Variants in TMEM182 observed in about 807,000 individuals in gnomAD.
TMEM182 encodes transmembrane protein 182.
TMEM182 carries 20 observed loss-of-function variants against 26.8 expected under a neutral mutation model. The ratio of observed to expected loss-of-function variants is 0.75; its 90% CI spans 0.53 to 1.09. The LOEUF is 1.09. Ranked by LOEUF, TMEM182 falls within the 50% of genes least tolerant of loss-of-function variation. The pLI is 0.00. For synonymous variants in TMEM182, 109 were observed against 102.2 expected (o/e 1.07, Z -0.40); for missense variants, 277 against 275.5 (o/e 1.01, Z -0.04).
chr2:102,767,632 ATTAT>A (rs1248491632), intron 3 of TMEM182, among the ~76,000 whole-genome samples: 1 of 152,122 alleles, frequency 6.6e-6, no homozygotes, highest in African/African-American at 2.4e-5. Flanking sequence ...CAGTTCCTTC[ATTAT>A]TTATTTGAGC....
At chr2:102,770,264 G>T (rs559673547) in intron 3 of TMEM182, among the ~76,000 whole-genome samples, 1 of 152,144 alleles carries the variant, frequency 6.6e-6, no homozygotes, top group Non-Finnish European at 1.5e-5. Flanking sequence ...TGAGAAGCAG[G>T]CAGGAAGGAA....
intron 3 of TMEM182, among the ~76,000 whole-genome samples, chr2:102,767,191 C>T (rs932146449): frequency 1.3e-5 from 2 of 152,108 alleles, no homozygotes; most frequent in African/African-American, 4.8e-5. Context: ...CCTTTATATT[C>T]AATTCTGACT....
chr2:102,807,582 A>G (rs922527831), intron 4 of TMEM182, among the ~76,000 whole-genome samples: 3 of 152,218 alleles, frequency 2.0e-5, no homozygotes, highest in Non-Finnish European at 4.4e-5. Flanking sequence ...TATTTATGAG[A>G]CTACTTTGAA....
intron 1 of TMEM182, among the ~76,000 whole-genome samples, chr2:102,751,801 G>A (rs1475782661): frequency 6.6e-6 from 1 of 152,096 alleles, no homozygotes; most frequent in African/African-American, 2.4e-5. Context: ...CAACTATCTA[G>A]GGCTAGAGGT....
chr2:102,813,963 A>G (rs1388350217), intron 4 of TMEM182, among the ~76,000 whole-genome samples: 2 of 143,110 alleles, frequency 1.4e-5, no homozygotes, highest in Non-Finnish European at 3.1e-5. Context: ...TTTTTCTTTC[A>G]TTTAATATGG....
chr2:102,819,606 G>A (rs61414569), downstream of TMEM182, among the ~76,000 whole-genome samples: 133 of 152,066 alleles, frequency 8.7e-4, no homozygotes, highest in Non-Finnish European at 1.6e-3. Context: ...ATACATACAC[G>A]CCTGCCTCTA....
chr2:102,828,798 C>G lies in TMEM182; in HGVS notation c.326-14614C>G, dbSNP rs116631317. ...GTCATGCTGCTGGGAAGTTTTTGCC[C>G]AGGGCAGGGTCACTTTTATTGATGC... is the stretch of plus-strand genomic sequence containing the variant. On this transcript the variant is annotated intron_variant, in intron 3 of 3. Transcript: ENST00000486293. Among the ~76,000 whole-genome samples, 1,073 of 152,196 alleles carry G rather than the reference C, an allele frequency of 7.1e-3. 14 individuals carry two copies. The highest frequency in any genetic ancestry group is 0.025 in the African/African-American group (1,030 of 41,522).
intron 4 of TMEM182, among the ~76,000 whole-genome samples, chr2:102,811,373 A>C (rs1229250889): frequency 1.3e-5 from 2 of 152,198 alleles, no homozygotes; most frequent in African/African-American, 4.8e-5. Context: ...TGATTACTTG[A>C]ATAAGGCAAT....
chr2:102,753,565 C>A (rs1357796870), intron 1 of TMEM182, among the ~76,000 whole-genome samples: 2 of 151,982 alleles, frequency 1.3e-5, no homozygotes, highest in Admixed American at 6.6e-5. Context: ...GAGATGGGGT[C>A]TTGCTATGTT....
Position 102,817,433 on chromosome 2 carries a change from A to G in TMEM182, c.*2465A>G, listed in dbSNP as rs1682793885. Reference sequence around the variant, plus strand: ...TTGGTGAAAGCTATCATCTCTCCATATTGTATTTGTTCAGCTGGTTTAATT... The same window carrying G: ...TTGGTGAAAGCTATCATCTCTCCATGTTGTATTTGTTCAGCTGGTTTAATT... On this transcript the variant is annotated 3_prime_UTR_variant, in exon 5 of 5. Coordinates refer to ENST00000412401, the MANE Select transcript of TMEM182 (RefSeq NM_144632.5). 2 of 985,364 alleles carry G rather than the reference A, an allele frequency of 2.0e-6. No individual in the cohort carries two copies. The highest frequency in any genetic ancestry group is 2.4e-6 in the Non-Finnish European group (2 of 829,918). The allele number at this position is 985,364 out of a possible 1,614,324, so 61.0% of individuals were successfully genotyped here.
In TMEM182 at chr2:102,745,128, GT is replaced by G. The variant is rs577169707; in HGVS notation, c.-83+8125del. 3.3e-3 allele frequency among the ~76,000 whole-genome samples: 486 copies of G among 146,400 alleles called. 2 individuals are homozygous for G. Among genetic ancestry groups the G allele is most frequent in the East Asian group, 0.015 (77 of 5,034 alleles). On this transcript the variant is annotated intron_variant, in intron 1 of 5. Coordinates refer to the TMEM182 transcript ENST00000409173. ...TGTCCCCTCACTCTTTTTTCTTTAT[GT>G]TTTTTTTTTGTTTAGATAATTTCTA...
intron 3 of TMEM182, among the ~76,000 whole-genome samples, chr2:102,838,485 CT>C (rs951933931): frequency 6.6e-6 from 1 of 152,174 alleles, no homozygotes; most frequent in Non-Finnish European, 1.5e-5. Flanking sequence ...AGGGAAGGCT[CT>C]TCAGAGGGCT....
downstream of TMEM182, among the ~76,000 whole-genome samples, chr2:102,820,169 G>A (rs1032116471): frequency 5.3e-5 from 8 of 152,146 alleles, no homozygotes; most frequent in African/African-American, 1.9e-4. Flanking sequence ...AGGTTCCTAG[G>A]GTGTTGTGTG....
chr2:102,825,262 A>G (rs921750215), intron 3 of TMEM182, among the ~76,000 whole-genome samples: 4 of 152,248 alleles, frequency 2.6e-5, no homozygotes, highest in Admixed American at 6.5e-5. Context: ...ATAAATATTA[A>G]TTAGACAATT....
chr2:102,803,999 CTA>C (rs1682253236), intron 4 of TMEM182, among the ~76,000 whole-genome samples: 1 of 152,228 alleles, frequency 6.6e-6, no homozygotes, highest in Admixed American at 6.5e-5. Context: ...CCTGCTGTCT[CTA>C]TGTCTATCCT....
intron 4 of TMEM182, among the ~76,000 whole-genome samples, chr2:102,801,597 G>A (rs1028659726): frequency 6.6e-6 from 1 of 152,154 alleles, no homozygotes; most frequent in Non-Finnish European, 1.5e-5. Context: ...CTGTAGTTCA[G>A]GCCTGCTCAG....
intron 1 of TMEM182, among the ~76,000 whole-genome samples, chr2:102,742,347 G>T (rs951092145): frequency 5.3e-5 from 8 of 152,036 alleles, no homozygotes; most frequent in East Asian, 3.9e-4. Flanking sequence ...GCAAAGAAAA[G>T]AACATAATAA....
upstream of TMEM182, among the ~76,000 whole-genome samples, chr2:102,757,240 T>C (rs1335424052): frequency 2.6e-5 from 4 of 152,324 alleles, no homozygotes; most frequent in South Asian, 2.1e-4. Context: ...CTCAGCCCCT[T>C]TGCCTCCTCA....
At chr2:102,769,286 A>G (rs1039034869) in intron 3 of TMEM182, among the ~76,000 whole-genome samples, 4 of 152,226 alleles carry the variant, frequency 2.6e-5, no homozygotes, top group African/African-American at 9.6e-5. Flanking sequence ...GTGGGACAGT[A>G]AAAATGAAAA....
Sources: gnomAD v4.1 joint callset for allele counts (sites outside exome capture counted in the v4.1 genomes callset) on GRCh38, gnomAD v4.1.1 for gene constraint, MANE v1.5 for transcripts, NCBI Gene and HGNC (gene_info 2026-07-23, HGNC 2026-07-21) for gene names.